Variants in COL6A5 observed in about 807,000 individuals in gnomAD.
COL6A5 encodes collagen type VI alpha 5 chain, also known as collagen alpha-5(VI) chain.
In COL6A5, 48 loss-of-function variants were observed where a neutral mutation model predicts 65.6. The ratio of observed to expected loss-of-function variants is 0.73; its 90% confidence interval spans 0.58 to 0.93. The LOEUF is 0.93. Among genes scored for constraint, COL6A5 ranks in the 40% least tolerant of loss-of-function variants. COL6A5 has a pLI of 0.00. For synonymous variants in COL6A5, 291 were observed against 322.8 expected (o/e 0.90, Z 1.05); for missense variants, 914 against 928.3 (o/e 0.98, Z 0.20).
At position 130,439,630 on chromosome 3, in the gene COL6A5, G is replaced by T; in HGVS notation, c.581+15G>T. ...ACTTTGCTATGGTAAGACCAATGAA[G>T]AGAATTGACTGTGCTGAAGAGCTTA... On this transcript the variant is annotated intron_variant, in intron 2 of 7. Transcript: ENST00000512836. 6.5e-7 allele frequency: 1 copy of T among 1,531,674 alleles called. No homozygotes were observed. Among genetic ancestry groups the T allele is most frequent in the Non-Finnish European group, 8.9e-7 (1 of 1,129,108 alleles). The allele number at this position is 1,531,674 out of a possible 1,614,324, so 94.9% of individuals were successfully genotyped here. A position where few individuals can be genotyped will look rare whatever the true frequency, so the allele number is the denominator to read the frequency against.
At chr3:130,424,015 C>A in intron 29 of COL6A5, 115 bp downstream of exon 29, 1 of 713,848 alleles carries the variant, frequency 1.4e-6, no homozygotes, top group Non-Finnish European at 2.3e-6. Context: ...CTGCTTTTTA[C>A]TAGCTATATG....
intron 1 of COL6A5, among the ~76,000 whole-genome samples, chr3:130,367,189 C>A (rs571592224): frequency 1.3e-5 from 2 of 152,288 alleles, no homozygotes; most frequent in East Asian, 1.9e-4. Context: ...AGCATTCCTG[C>A]CTTCTGTCCT....
exon 4 of COL6A5, chr3:130,380,024 C>G: frequency 6.5e-7 from 1 of 1,540,282 alleles, no homozygotes; most frequent in African/African-American, 1.4e-5. Flanking sequence ...TCTACTTATG[C>G]TGAACAAAGG....
intron 5 of COL6A5, among the ~76,000 whole-genome samples, chr3:130,456,521 C>T (rs1577529121): frequency 6.6e-6 from 1 of 152,026 alleles, no homozygotes; most frequent in East Asian, 1.9e-4. Flanking sequence ...ATGAGGTACC[C>T]CGTTCTCCAT....
In COL6A5 at chr3:130,469,232, A is replaced by T; in HGVS notation, c.1984A>T (p.Ile662Phe). Residue 662 changes from isoleucine (I) to phenylalanine (F), a missense_variant, in exon 6 of 8, where the codon ATC becomes TTC. Transcript: ENST00000512836. ...CCCCAATCTGAGGAAAAACAAAGTT[A>T]TCTTTGTAATATCTGCTGGCGAAAC... 4 of 1,613,314 alleles carry T rather than the reference A, an allele frequency of 2.5e-6. No individual in the cohort carries two copies. Among genetic ancestry groups the T allele is most frequent in the Non-Finnish European group, 3.4e-6 (4 of 1,179,480 alleles).
At chr3:130,379,911 T>C (rs1271773555) in exon 4 of COL6A5, 3 of 1,551,232 alleles carry the variant, frequency 1.9e-6, no homozygotes, top group Non-Finnish European at 2.6e-6. Flanking sequence ...TAGTGTCTTA[T>C]CCTCCAGAAC....
At chr3:130,438,164 A>T (rs879417437) in intron 1 of COL6A5, among the ~76,000 whole-genome samples, 2 of 152,022 alleles carry the variant, frequency 1.3e-5, no homozygotes, top group African/African-American at 4.8e-5. Context: ...CACCTGGCTA[A>T]TTTTTGTATG....
intron 4 of COL6A5, among the ~76,000 whole-genome samples, chr3:130,453,539 G>C (rs1409779558): frequency 6.6e-6 from 1 of 152,094 alleles, no homozygotes; most frequent in Non-Finnish European, 1.5e-5. Flanking sequence ...ATCCCCAAAA[G>C]TTAGCATAAA....
At chr3:130,395,143 A>G (rs2107657122) in exon 8 of COL6A5, 1 of 1,551,692 alleles carries the variant, frequency 6.4e-7, no homozygotes, top group South Asian at 1.2e-5. Context: ...GTGGATTTCC[A>G]AGAATTGACT....
upstream of COL6A5, among the ~76,000 whole-genome samples, chr3:130,431,074 T>C (rs1937780753): frequency 6.6e-6 from 1 of 152,200 alleles, no homozygotes; most frequent in Non-Finnish European, 1.5e-5. Flanking sequence ...ATTTTTAAAT[T>C]TTACACACAG....
chr3:130,475,827 C>G, intron 7 of COL6A5, among the ~76,000 whole-genome samples: 1 of 152,282 alleles, frequency 6.6e-6, no homozygotes, highest in African/African-American at 2.4e-5. Context: ...GAGGTAATTT[C>G]ATACCCATTA....
chr3:130,454,602 A>G (rs919205136), intron 4 of COL6A5, among the ~76,000 whole-genome samples: 6 of 152,208 alleles, frequency 3.9e-5, no homozygotes, highest in Non-Finnish European at 7.4e-5. Context: ...AATATGTTTT[A>G]TAACATCATC....
At chr3:130,379,472 T>A (rs777014560) in exon 4 of COL6A5, 1 of 1,551,294 alleles carries the variant, frequency 6.4e-7, no homozygotes. Flanking sequence ...GTGTTCCTGG[T>A]GGATGAGTCA....
At chr3:130,452,121 G>C (rs545342053) in intron 4 of COL6A5, among the ~76,000 whole-genome samples, 1 of 152,120 alleles carries the variant, frequency 6.6e-6, no homozygotes, top group African/African-American at 2.4e-5. Context: ...GCAGAGATAA[G>C]CATGATGCTT....
chr3:130,384,170 G>A (rs115014486), intron 4 of COL6A5, among the ~76,000 whole-genome samples: 202 of 152,052 alleles, frequency 1.3e-3, no homozygotes, highest in African/African-American at 4.0e-3. Context: ...GAAGAGAGGA[G>A]GGCACATGCA....
intron 1 of COL6A5, among the ~76,000 whole-genome samples, chr3:130,359,022 A>T (rs2107619028): frequency 6.6e-6 from 1 of 152,356 alleles, no homozygotes; most frequent in South Asian, 2.1e-4. Flanking sequence ...TATTAAAAAT[A>T]GTCAACAATG....
Position 130,418,858 on chromosome 3 carries a change from C to A in COL6A5, c.4888-11C>A. On this transcript the variant is annotated splice_polypyrimidine_tract_variant and intron_variant and NMD_transcript_variant, in intron 24 of 41. Transcript: ENST00000312481. ...TTACTGATCTGAAGCTCTTCTTGTCCCACTTACTAGGGAGAGCCTGGACTT... is the reference window on the plus strand; with the variant it reads ...TTACTGATCTGAAGCTCTTCTTGTCACACTTACTAGGGAGAGCCTGGACTT... 6.5e-7 allele frequency: 1 copy of A among 1,549,524 alleles called. No homozygotes were observed. The highest frequency in any genetic ancestry group is 8.7e-7 in the Non-Finnish European group (1 of 1,145,348).
chr3:130,378,233 A>C (rs1252517730), intron 3 of COL6A5, among the ~76,000 whole-genome samples: 8 of 152,124 alleles, frequency 5.3e-5, no homozygotes, highest in Non-Finnish European at 2.9e-5. Context: ...CTGAAACAGA[A>C]CACAAATCCC....
chr3:130,457,899 A>G (rs901130929), intron 5 of COL6A5, among the ~76,000 whole-genome samples: 6 of 152,132 alleles, frequency 3.9e-5, no homozygotes, highest in African/African-American at 1.2e-4. Flanking sequence ...TAAAAGGTTG[A>G]TAAGTTTCAT....
Sources: gnomAD v4.1 joint callset for allele counts (sites outside exome capture counted in the v4.1 genomes callset) on GRCh38, gnomAD v4.1.1 for gene constraint, MANE v1.5 for transcripts, NCBI Gene and HGNC (gene_info 2026-07-23, HGNC 2026-07-21) for gene names.